Variants in COL25A1 observed in about 807,000 individuals in gnomAD.
COL25A1 encodes the protein collagen type XXV alpha 1 chain.
Under a neutral mutation model 128.4 loss-of-function variants are expected in COL25A1, and 103 were observed. The ratio of observed to expected loss-of-function variants is 0.80; its 90% CI spans 0.68 to 0.94. The LOEUF (loss-of-function observed/expected upper bound fraction) is 0.94, where lower values mean the gene tolerates loss of function less well. COL25A1 is among the 40% of genes least tolerant of loss of function. The pLI is 0.00. For synonymous variants in COL25A1, 279 were observed against 277.2 expected (o/e 1.01, Z -0.06); for missense variants, 745 against 840.0 (o/e 0.89, Z 1.40).
intron 25 of COL25A1, among the ~76,000 whole-genome samples, 186 bp from the exon 26 acceptor site, chr4:108,852,466 A>G (rs567064571): frequency 1.3e-5 from 2 of 152,306 alleles, no homozygotes; most frequent in East Asian, 3.9e-4. Flanking sequence ...TATATGCTAA[A>G]ATATTAACAC....
chr4:109,085,337 C>G (rs531979117), intron 3 of COL25A1, among the ~76,000 whole-genome samples: 1 of 152,318 alleles, frequency 6.6e-6, no homozygotes, highest in South Asian at 2.1e-4. Flanking sequence ...AGATGAAGTA[C>G]AGCATATTCC....
chr4:108,843,793 T>A (rs959855640), intron 30 of COL25A1, among the ~76,000 whole-genome samples: 2 of 152,226 alleles, frequency 1.3e-5, no homozygotes, highest in African/African-American at 4.8e-5. Context: ...AGTGTGATAT[T>A]TTGATACCTT....
At chr4:109,239,163 G>A (rs1052837595) in intron 3 of COL25A1, among the ~76,000 whole-genome samples, 1 of 151,764 alleles carries the variant, frequency 6.6e-6, no homozygotes, top group Non-Finnish European at 1.5e-5. Context: ...GATACATTCT[G>A]AGAACTGCAT....
chr4:109,154,319 CA>C (rs1198730939), intron 3 of COL25A1, among the ~76,000 whole-genome samples: 3 of 152,114 alleles, frequency 2.0e-5, no homozygotes, highest in Non-Finnish European at 2.9e-5. Flanking sequence ...ACAGAACAGA[CA>C]AAAACAACCA....
chr4:109,275,069 C>T (rs1722687373), intron 3 of COL25A1, among the ~76,000 whole-genome samples: 1 of 152,192 alleles, frequency 6.6e-6, no homozygotes, highest in Admixed American at 6.5e-5. Flanking sequence ...TTATTAAAAC[C>T]CCTTTTTGTC....
intron 3 of COL25A1, among the ~76,000 whole-genome samples, chr4:109,252,476 C>T (rs1359090285): frequency 4.6e-5 from 7 of 152,076 alleles, no homozygotes; most frequent in Non-Finnish European, 8.8e-5. Context: ...CACTGGTATC[C>T]GCAAAAAATG....
intron 6 of COL25A1, among the ~76,000 whole-genome samples, chr4:108,978,486 A>G (rs1045950751): frequency 6.6e-6 from 1 of 152,216 alleles, no homozygotes; most frequent in African/African-American, 2.4e-5. Flanking sequence ...AAAATTACAA[A>G]TGAAAGAAAG....
At chr4:109,129,133 ATT>A (rs113681869) in intron 3 of COL25A1, among the ~76,000 whole-genome samples, 1 of 146,164 alleles carries the variant, frequency 6.8e-6, no homozygotes. Context: ...TTGTCAAATA[ATT>A]TTTTTTTTTT....
intron 6 of COL25A1, among the ~76,000 whole-genome samples, chr4:108,996,315 G>A: frequency 6.6e-6 from 1 of 150,762 alleles, no homozygotes; most frequent in Non-Finnish European, 1.5e-5. Context: ...AAAAAAGGAG[G>A]GGTTGCAATC....
chr4:108,866,999 A>G (rs1738016372), intron 20 of COL25A1, among the ~76,000 whole-genome samples: 2 of 152,220 alleles, frequency 1.3e-5, no homozygotes, highest in Admixed American at 1.3e-4. Flanking sequence ...CTCAGGGTTC[A>G]GAGTAGTATC....
intron 3 of COL25A1, among the ~76,000 whole-genome samples, chr4:109,066,665 C>T (rs2125975819): frequency 6.6e-6 from 1 of 152,056 alleles, no homozygotes; most frequent in South Asian, 2.1e-4. Context: ...TCCTTTCTTC[C>T]TTTTTTTGAG....
At chr4:109,272,865 G>T (rs1782289946) in intron 3 of COL25A1, among the ~76,000 whole-genome samples, 2 of 152,170 alleles carry the variant, frequency 1.3e-5, no homozygotes, top group Admixed American at 6.5e-5. Context: ...CACACAACAG[G>T]AATACAGCAG....
At chr4:109,289,807 C>A (rs1224248974) in intron 3 of COL25A1, among the ~76,000 whole-genome samples, 2 of 152,080 alleles carry the variant, frequency 1.3e-5, no homozygotes, top group African/African-American at 4.8e-5. Context: ...AAAGACAATC[C>A]TGTCCACTCT....
chr4:108,908,121 C>G (rs1157626978), intron 13 of COL25A1, among the ~76,000 whole-genome samples: 1 of 152,156 alleles, frequency 6.6e-6, no homozygotes, highest in Non-Finnish European at 1.5e-5. Context: ...CTAAGACTTG[C>G]TTTTTCCAGC....
At chr4:109,065,532 A>ACGCGCGCGCGCGCGCGCG (rs560432083) in intron 3 of COL25A1, among the ~76,000 whole-genome samples, 1 of 126,524 alleles carries the variant, frequency 7.9e-6, no homozygotes, top group African/African-American at 3.0e-5. Flanking sequence ...TTGGTGCAGC[A>ACGCGCGCGCGCGCGCGCG]CGCGCGCGCG....
intron 3 of COL25A1, among the ~76,000 whole-genome samples, chr4:109,095,825 G>A (rs1226718499): frequency 6.6e-6 from 1 of 152,154 alleles, no homozygotes; most frequent in Non-Finnish European, 1.5e-5. Context: ...AAGTGAGAGA[G>A]GGGATCAGCT....
intron 3 of COL25A1, among the ~76,000 whole-genome samples, chr4:109,208,557 ACTAT>A (rs1192513887): frequency 1.3e-5 from 2 of 151,868 alleles, no homozygotes; most frequent in African/African-American, 2.4e-5. Flanking sequence ...ACAGTTAATC[ACTAT>A]CTACATAGTG....
intron 24 of COL25A1, among the ~76,000 whole-genome samples, chr4:108,856,430 A>C (rs1034611526): frequency 6.6e-6 from 1 of 152,144 alleles, no homozygotes; most frequent in Non-Finnish European, 1.5e-5. Flanking sequence ...TTTTTGGCAG[A>C]TTGTTTTAAA....
At chr4:109,049,454 C>T (rs1338426667) in intron 4 of COL25A1, among the ~76,000 whole-genome samples, 2 of 152,108 alleles carry the variant, frequency 1.3e-5, no homozygotes, top group East Asian at 3.8e-4. Context: ...AGGGATTTGG[C>T]CTGAAAGCAA....
Sources: gnomAD v4.1 joint callset for allele counts (sites outside exome capture counted in the v4.1 genomes callset) on GRCh38, gnomAD v4.1.1 for gene constraint, MANE v1.5 for transcripts, NCBI Gene and HGNC (gene_info 2026-07-23, HGNC 2026-07-21) for gene names.